TP53BP2: variants seen among roughly 807,000 people sequenced by gnomAD.
The protein encoded by TP53BP2 is apoptosis-stimulating of p53 protein 2.
TP53BP2 carries 62 observed loss-of-function variants against 126.2 expected under a neutral mutation model. The ratio of observed to expected loss-of-function variants is 0.49; its 90% CI spans 0.40 to 0.61. The LOEUF (loss-of-function observed/expected upper bound fraction) is 0.61. TP53BP2 is among the 20% of genes least tolerant of loss of function. The pLI is 0.00. For missense variants in TP53BP2, 1,215 were observed against 1,402.8 expected (o/e 0.87, Z 2.14); for synonymous variants, 485 against 502.9 (o/e 0.96, Z 0.48).
In TP53BP2 at chr1:223,821,379, G is replaced by A. The variant is rs776438726; in HGVS notation, c.28-12C>T. 4 of 1,613,912 alleles carry A rather than the reference G, an allele frequency of 2.5e-6. No individual in the cohort carries two copies. The highest frequency in any genetic ancestry group is 2.2e-5 in the South Asian group (2 of 91,054). ...ACGGTAAGAAACATCTAAAAATTAA[G>A]AGAGAAACACATGGTTACTGGTACT... On this transcript the variant is annotated splice_polypyrimidine_tract_variant and intron_variant, in intron 1 of 17. Coordinates refer to ENST00000343537, the MANE Select transcript of TP53BP2 (RefSeq NM_001031685.3).
Position 223,814,342 on chromosome 1 carries a change from C to T in TP53BP2, c.187G>A (p.Ala63Thr), listed in dbSNP as rs1373956163. ...ACATCAAACATTCGCTCATTATCCG[C>T]AACTGGACGTTCTAAAGCAAATGAG... ...EVWCGSERPV[A>T]DNERMFDVLQ... The change falls in exon 3 of 18, where the codon GCG becomes ACG. Residue 63 changes from alanine to threonine, a missense_variant. This residue lies in a region of TP53BP2 where 814 missense variants were observed against 853.0 expected (regional missense o/e 0.95). Coordinates refer to ENST00000343537, the MANE Select transcript of TP53BP2 (RefSeq NM_001031685.3). The T allele has an allele frequency of 6.8e-6, 11 of 1,612,276 alleles. No individual in the cohort carries two copies. Among genetic ancestry groups the T allele is most frequent in the Non-Finnish European group, 9.3e-6 (11 of 1,178,544 alleles).
chr1:223,800,128 A>C, intron 10 of TP53BP2, 81 bp from the exon 11 acceptor site: 1 of 1,388,056 alleles, frequency 7.2e-7, no homozygotes, highest in Non-Finnish European at 9.6e-7. Flanking sequence ...TCTCCCCTAA[A>C]TCTCCCTGAA....
At chr1:223,810,703 G>A (rs1662881777) in intron 3 of TP53BP2, among the ~76,000 whole-genome samples, 190 bp from the exon 4 acceptor site, 1 of 152,126 alleles carries the variant, frequency 6.6e-6, no homozygotes, top group Non-Finnish European at 1.5e-5. Context: ...TTAATTTCAT[G>A]GAACAGTGAA....
chr1:223,798,386 G>T lies in TP53BP2; in HGVS notation c.1777C>A (p.Pro593Thr). ...AGTAAGGTGTCTTTGGAAGGCTGGG[G>T]AGTAAAGGGCCGGACGGCAGCAGCA... ...PPAAAVRPFT[P>T]QPSKDTLLPP... The change falls in exon 12 of 18, where the codon CCC becomes ACC. Residue 593 changes from proline (P) to threonine (T), a missense_variant. This residue lies in a region of TP53BP2 where 814 missense variants were observed against 853.0 expected (regional missense o/e 0.95). Coordinates refer to ENST00000343537, the MANE Select transcript of TP53BP2 (RefSeq NM_001031685.3). 6.2e-7 allele frequency: 1 copy of T among 1,614,168 alleles called. No individual in the cohort carries two copies. The highest frequency in any genetic ancestry group is 8.5e-7 in the Non-Finnish European group (1 of 1,180,036).
At chr1:223,844,885 G>T (rs925118483) in intron 1 of TP53BP2, among the ~76,000 whole-genome samples, 1 of 152,188 alleles carries the variant, frequency 6.6e-6, no homozygotes, top group Non-Finnish European at 1.5e-5. Context: ...CAACTTCCAC[G>T]AAGAAACTCG....
chr1:223,794,731 C>T (rs150862514), intron 13 of TP53BP2, among the ~76,000 whole-genome samples: 6 of 152,306 alleles, frequency 3.9e-5, no homozygotes, highest in East Asian at 3.9e-4. Context: ...AGCCTCAGAA[C>T]TTACGAGGCA....
chr1:223,784,030 T>C (rs1255748499), intron 17 of TP53BP2, 85 bp downstream of exon 17: 5 of 1,180,802 alleles, frequency 4.2e-6, no homozygotes, highest in Non-Finnish European at 5.1e-6. Context: ...GGCAGTTTGG[T>C]GCACTGTACA....
At chr1:223,809,187 C>G (rs1662826084) in intron 4 of TP53BP2, among the ~76,000 whole-genome samples, 1 of 152,120 alleles carries the variant, frequency 6.6e-6, no homozygotes, top group Admixed American at 6.5e-5. Flanking sequence ...GGAGAAGATA[C>G]ATTGTGTCCA....
intron 6 of TP53BP2, among the ~76,000 whole-genome samples, chr1:223,803,755 T>C (rs908941073): frequency 1.3e-5 from 2 of 152,212 alleles, no homozygotes; most frequent in Admixed American, 1.3e-4. Flanking sequence ...GGTGGATCTA[T>C]TAAACCACAA....
At chr1:223,809,145 T>C (rs1027712789) in intron 4 of TP53BP2, among the ~76,000 whole-genome samples, 1 of 152,182 alleles carries the variant, frequency 6.6e-6, no homozygotes, top group Non-Finnish European at 1.5e-5. Flanking sequence ...TGGCTTCAAG[T>C]CATCCTCATG....
intron 11 of TP53BP2, 43 bp downstream of exon 11, chr1:223,799,856 A>G (rs771618817): frequency 2.0e-6 from 3 of 1,531,324 alleles, no homozygotes; most frequent in Non-Finnish European, 8.7e-7. Context: ...ACTGCATTAT[A>G]GAATTACTAT....
intron 1 of TP53BP2, among the ~76,000 whole-genome samples, chr1:223,840,776 ATG>A (rs1664076715): frequency 6.6e-6 from 1 of 152,236 alleles, no homozygotes; most frequent in African/African-American, 2.4e-5. Flanking sequence ...ATGACCCTCC[ATG>A]TGTCTTCCAG....
At position 223,831,477 on chromosome 1, in the gene TP53BP2, AAAAATATATAT is replaced by A. The variant is rs1276878738; in HGVS notation, c.28-10121_28-10111del. Among the ~76,000 whole-genome samples, 80 of 42,004 alleles carry A rather than the reference AAAAATATATAT, an allele frequency of 1.9e-3. 1 individual carries two copies. The highest frequency in any genetic ancestry group is 2.7e-3 in the Non-Finnish European group (61 of 22,600). The allele number at this position is 42,004 out of a possible 152,430, so 27.6% of individuals were successfully genotyped here. A position where few individuals can be genotyped will look rare whatever the true frequency, so the allele number is the denominator to read the frequency against. On this transcript the variant is annotated intron_variant, in intron 1 of 17. Coordinates refer to ENST00000343537, the MANE Select transcript of TP53BP2 (RefSeq NM_001031685.3). Reference sequence around the variant, plus strand: ...ACATATGTACCATCTAAAAAAAAAAAAAAATATATATATATATATATATATATATATATATA... The same window carrying A: ...ACATATGTACCATCTAAAAAAAAAAAATATATATATATATATATATATATA...
At chr1:223,782,991 G>A (rs1206372825) in intron 17 of TP53BP2, among the ~76,000 whole-genome samples, 1 of 152,160 alleles carries the variant, frequency 6.6e-6, no homozygotes, top group Non-Finnish European at 1.5e-5. Flanking sequence ...GTCAGGGAGA[G>A]ATGCTGGTCA....
intron 16 of TP53BP2, 42 bp downstream of exon 16, chr1:223,788,966 T>C (rs1295979142): frequency 6.3e-7 from 1 of 1,585,864 alleles, no homozygotes. Context: ...ACAGAATAAA[T>C]GAATGCAGTA....
intron 16 of TP53BP2, among the ~76,000 whole-genome samples, chr1:223,786,581 C>CGT (rs61533251): frequency 0.12 from 16,716 of 144,496 alleles, 1,890 homozygotes; most frequent in African/African-American, 0.29. Context: ...TGCGTGTGTG[C>CGT]GTGTGTGTGT....
intron 17 of TP53BP2, among the ~76,000 whole-genome samples, chr1:223,781,597 G>T (rs1661779807): frequency 6.6e-6 from 1 of 152,114 alleles, no homozygotes; most frequent in Non-Finnish European, 1.5e-5. Flanking sequence ...CTCAAAGAAA[G>T]TAGAAGCATA....
At chr1:223,821,131 A>C in intron 2 of TP53BP2, 89 bp downstream of exon 2, 1 of 1,533,320 alleles carries the variant, frequency 6.5e-7, no homozygotes, top group Non-Finnish European at 8.9e-7. Flanking sequence ...TCCCCGGAGA[A>C]ACATGAGCAT....
Position 223,821,273 on chromosome 1 carries a change from C to G in TP53BP2, c.122G>C (p.Cys41Ser). The change falls in exon 2 of 18, where the codon TGC (cysteine) becomes TCC (serine). Residue 41 changes from cysteine to serine, a missense_variant. By Grantham distance (112) the Cys-to-Ser change is moderately radical (BLOSUM62 -1). Around this residue, in one of 4 missense-constraint regions of TP53BP2, gnomAD observed 814 missense variants for 853.0 expected, o/e 0.95. Coordinates refer to ENST00000343537, the MANE Select transcript of TP53BP2 (RefSeq NM_001031685.3). ...GCAATCACTCTCGCCGGGTTCTTTG[C>G]ACAGATCCACCACGTCTCTGCATAT... ...ETICRDVVDL[C>S]KEPGESDCHL... 1.2e-6 allele frequency: 2 copies of G among 1,614,070 alleles called. No individual in the cohort carries two copies. The highest frequency in any genetic ancestry group is 1.7e-6 in the Non-Finnish European group (2 of 1,179,900).
Sources: allele counts gnomAD v4.1 joint callset (sites outside exome capture counted in the v4.1 genomes callset), GRCh38; gene constraint gnomAD v4.1.1; regional missense constraint gnomAD v4.1.1; transcripts MANE v1.5; gene names NCBI Gene and HGNC (gene_info 2026-07-23, HGNC 2026-07-21).